AGMO: variants seen among roughly 807,000 people sequenced by gnomAD.
AGMO encodes alkylglycerol monooxygenase.
In AGMO, 75 loss-of-function variants were observed where a neutral mutation model predicts 60.2. The observed-to-expected ratio is 1.25, with a 90% CI of 1.03 to 1.51. AGMO has a LOEUF of 1.51. Ranked by LOEUF, AGMO falls within the 40% of genes most tolerant of loss-of-function variation. The probability of loss-of-function intolerance (pLI) is 0.00; values close to 1 mark genes in which losing one functional copy is unlikely to be tolerated. For missense variants in AGMO, 763 were observed against 525.5 expected (o/e 1.45, Z -4.42); for synonymous variants, 261 against 177.1 (o/e 1.47, Z -3.76).
intron 3 of AGMO, among the ~76,000 whole-genome samples, chr7:15,462,422 G>C (rs1398994200): frequency 6.6e-6 from 1 of 152,114 alleles, no homozygotes; most frequent in Non-Finnish European, 1.5e-5. Context: ...ACTATTGCCA[G>C]AGACTTTTTT....
intron 5 of AGMO, among the ~76,000 whole-genome samples, chr7:15,395,406 A>T (rs1034073879): frequency 2.0e-5 from 3 of 152,212 alleles, no homozygotes; most frequent in Admixed American, 2.0e-4. Flanking sequence ...TATCGATTTG[A>T]ACAAACCTAA....
intron 3 of AGMO, among the ~76,000 whole-genome samples, chr7:15,525,363 A>C (rs1001801127): frequency 6.6e-6 from 1 of 152,106 alleles, no homozygotes; most frequent in South Asian, 2.1e-4. Context: ...ACTTCCTCTG[A>C]TTGATCCCCA....
intron 12 of AGMO, among the ~76,000 whole-genome samples, chr7:15,249,057 T>C (rs1178128811): frequency 6.6e-6 from 1 of 152,150 alleles, no homozygotes; most frequent in Non-Finnish European, 1.5e-5. Flanking sequence ...CAATACTATG[T>C]AGGGTTGGCC....
chr7:15,431,192 G>A, intron 3 of AGMO, 84 bp from the exon 4 acceptor site: 2 of 893,736 alleles, frequency 2.2e-6, no homozygotes, highest in East Asian at 2.5e-5. Flanking sequence ...GCTCTGTTGA[G>A]TGAGGAAGAA....
the AGMO span, among the ~76,000 whole-genome samples, chr7:15,164,215 C>T: frequency 6.6e-6 from 1 of 152,016 alleles, no homozygotes; most frequent in Non-Finnish European, 1.5e-5. Context: ...AGCTTGACCC[C>T]TATCTCTCAC....
intron 6 of AGMO, among the ~76,000 whole-genome samples, chr7:15,393,526 T>C (rs897376036): frequency 6.6e-6 from 1 of 152,230 alleles, no homozygotes; most frequent in Non-Finnish European, 1.5e-5. Flanking sequence ...ATAATGATGA[T>C]ATGCACATTG....
At chr7:15,145,876 A>C in the AGMO span, among the ~76,000 whole-genome samples, 5 of 152,116 alleles carry the variant, frequency 3.3e-5, no homozygotes, top group African/African-American at 1.2e-4. Context: ...TTCATCTTCA[A>C]ATGTTTGGTA....
chr7:15,531,678 T>C (rs1003647616), intron 3 of AGMO, among the ~76,000 whole-genome samples: 4 of 141,578 alleles, frequency 2.8e-5, no homozygotes, highest in African/African-American at 1.1e-4. Flanking sequence ...TTAGAGGGAG[T>C]CTCACTCTAT....
chr7:15,378,781 T>C (rs1203364791), intron 10 of AGMO, among the ~76,000 whole-genome samples: 4 of 151,398 alleles, frequency 2.6e-5, no homozygotes, highest in East Asian at 1.9e-4. Context: ...TCTAAAAGCA[T>C]ACAAAGACAT....
chr7:15,225,161 C>T (rs904752144), intron 12 of AGMO, among the ~76,000 whole-genome samples: 5 of 151,542 alleles, frequency 3.3e-5, no homozygotes, highest in South Asian at 2.1e-4. Context: ...TACCATCAGA[C>T]GAACATTTTT....
intron 12 of AGMO, among the ~76,000 whole-genome samples, chr7:15,219,393 A>C (rs1296154212): frequency 6.6e-6 from 1 of 152,176 alleles, no homozygotes; most frequent in East Asian, 1.9e-4. Flanking sequence ...ACTAATATTT[A>C]AAGTGAGACA....
chr7:15,316,381 C>T (rs925581808), intron 12 of AGMO, among the ~76,000 whole-genome samples: 9 of 152,096 alleles, frequency 5.9e-5, no homozygotes, highest in Admixed American at 3.3e-4. Flanking sequence ...CTGCCAGTGG[C>T]GTCTGAAATA....
chr7:15,478,242 A>C (rs1179742517), intron 3 of AGMO, among the ~76,000 whole-genome samples: 1 of 152,132 alleles, frequency 6.6e-6, no homozygotes, highest in Non-Finnish European at 1.5e-5. Context: ...GAATTCATGC[A>C]CTCGACTTGT....
intron 5 of AGMO, among the ~76,000 whole-genome samples, chr7:15,399,979 A>AT (rs1293235970): frequency 6.6e-6 from 1 of 151,950 alleles, no homozygotes; most frequent in Admixed American, 6.6e-5. Flanking sequence ...ACTCTTCTTG[A>AT]TTTTTCCAAT....
intron 3 of AGMO, among the ~76,000 whole-genome samples, chr7:15,468,622 G>T (rs1260784725): frequency 6.6e-6 from 1 of 151,918 alleles, no homozygotes; most frequent in African/African-American, 2.4e-5. Flanking sequence ...TATAAATTCA[G>T]ATTATCTTCA....
chr7:15,161,616 A>C, the AGMO span, among the ~76,000 whole-genome samples: 2 of 133,858 alleles, frequency 1.5e-5, no homozygotes, highest in African/African-American at 5.2e-5. Flanking sequence ...TATAATCCAT[A>C]TATATCCCTA....
intron 3 of AGMO, among the ~76,000 whole-genome samples, chr7:15,509,084 A>G (rs983300233): frequency 6.6e-6 from 1 of 152,182 alleles, no homozygotes; most frequent in South Asian, 2.1e-4. Flanking sequence ...AATCAGGTAA[A>G]AGGAACCAGT....
chr7:15,135,396 C>G, the AGMO span, among the ~76,000 whole-genome samples: 1 of 152,160 alleles, frequency 6.6e-6, no homozygotes, highest in East Asian at 1.9e-4. Context: ...AAATTAGCAT[C>G]CAGTGACTTC....
chr7:15,240,076 A>G (rs565248503), intron 12 of AGMO, among the ~76,000 whole-genome samples: 34 of 152,180 alleles, frequency 2.2e-4, no homozygotes, highest in Non-Finnish European at 4.6e-4. Flanking sequence ...AAACGTCAAA[A>G]AGAGAAACAT....
Sources: gnomAD v4.1 joint callset for allele counts (sites outside exome capture counted in the v4.1 genomes callset) on GRCh38, gnomAD v4.1.1 for gene constraint, MANE v1.5 for transcripts, NCBI Gene and HGNC (gene_info 2026-07-23, HGNC 2026-07-21) for gene names.